Variants in CNTNAP5 observed in about 807,000 individuals in gnomAD.
The protein encoded by CNTNAP5 is contactin-associated protein-like 5.
CNTNAP5 carries 72 observed loss-of-function variants against 150.2 expected under a neutral mutation model. The ratio of observed to expected loss-of-function variants is 0.48; its 90% CI spans 0.40 to 0.58. CNTNAP5 has a LOEUF of 0.58. Ranked by LOEUF, CNTNAP5 falls within the 20% of genes least tolerant of loss-of-function variation. The pLI is 0.00. For missense variants in CNTNAP5, 1,636 were observed against 1,626.2 expected, an observed-to-expected ratio of 1.01 and a Z score of -0.10; for synonymous variants, 672 against 619.8, an observed-to-expected ratio of 1.08 and a Z score of -1.25.
chr2:124,038,732 C>T (rs919304980), intron 1 of CNTNAP5, among the ~76,000 whole-genome samples: 4 of 152,158 alleles, frequency 2.6e-5, no homozygotes, highest in Non-Finnish European at 5.9e-5. Context: ...TCCAGCCTGC[C>T]CTTCTTCTGA....
intron 13 of CNTNAP5, among the ~76,000 whole-genome samples, chr2:124,680,363 C>T (rs982977708): frequency 3.3e-5 from 5 of 151,898 alleles, no homozygotes; most frequent in African/African-American, 7.2e-5. Context: ...GTCTAAGTCA[C>T]CTAAGTGAGT....
At chr2:124,312,199 T>G (rs1383722127) in intron 3 of CNTNAP5, among the ~76,000 whole-genome samples, 1 of 152,220 alleles carries the variant, frequency 6.6e-6, no homozygotes, top group East Asian at 1.9e-4. Flanking sequence ...TTCTTTGTCC[T>G]TCAAGGCATT....
chr2:124,676,539 A>G (rs1042149457), intron 13 of CNTNAP5, among the ~76,000 whole-genome samples: 2 of 152,356 alleles, frequency 1.3e-5, no homozygotes, highest in East Asian at 1.9e-4. Flanking sequence ...GGCTGCTCCC[A>G]TGGACTGATA....
At chr2:124,373,166 G>A (rs1454408016) in intron 3 of CNTNAP5, among the ~76,000 whole-genome samples, 8 of 152,120 alleles carry the variant, frequency 5.3e-5, no homozygotes, top group East Asian at 1.9e-4. Context: ...AGGAACATTC[G>A]ATAAATTTTT....
chr2:124,617,447 G>T (rs1456049270), intron 12 of CNTNAP5, among the ~76,000 whole-genome samples: 1 of 152,062 alleles, frequency 6.6e-6, no homozygotes, highest in Non-Finnish European at 1.5e-5. Context: ...TCCTTCACTT[G>T]CAGCCTCAGC....
In CNTNAP5 at chr2:124,345,222, G is replaced by A. The variant is rs977975474; in HGVS notation, c.382-72221G>A. On this transcript the variant is annotated intron_variant, in intron 3 of 23. Coordinates refer to ENST00000682447, the MANE Select transcript of CNTNAP5 (RefSeq NM_001367498.1). ...TAAGCCATAGAACATTTTGTAGAAC[G>A]TTCCATGGAGTAGTGTTGGAATGCA... Among the ~76,000 whole-genome samples, 7 of 152,272 alleles carry A rather than the reference G, an allele frequency of 4.6e-5. No individual in the cohort carries two copies. The South Asian group carries it at 8.3e-4, about 18-fold the overall frequency.
chr2:124,081,760 A>T (rs1682563002), intron 1 of CNTNAP5, among the ~76,000 whole-genome samples: 1 of 152,196 alleles, frequency 6.6e-6, no homozygotes, highest in Non-Finnish European at 1.5e-5. Flanking sequence ...CCTTATTTTA[A>T]TTGACCTGTT....
chr2:124,828,716 A>G (rs1237742048), intron 19 of CNTNAP5, among the ~76,000 whole-genome samples: 1 of 134,068 alleles, frequency 7.5e-6, no homozygotes, highest in African/African-American at 2.9e-5. Context: ...TATGCCTTGC[A>G]GACCAATGCA....
rs1684683699 is a variant in CNTNAP5, at chr2:124,161,707, C to CA, written c.83-59990dup. Reference sequence around the variant, plus strand: ...CTCTGTGCTCATTGCAAATGCAGATCAAAAAAAAGAAAAGGACAAAAACAA... The same window carrying CA: ...CTCTGTGCTCATTGCAAATGCAGATCAAAAAAAAAGAAAAGGACAAAAACAA... On this transcript the variant is annotated intron_variant, in intron 1 of 23. Transcript: ENST00000682447. Among the ~76,000 whole-genome samples the CA allele has an allele frequency of 3.3e-5, 5 of 151,720 alleles. No individual in the cohort carries two copies. In the South Asian group the frequency reaches 8.3e-4, roughly 25 times the overall value.
chr2:124,378,843 A>G (rs1451840255), intron 3 of CNTNAP5, among the ~76,000 whole-genome samples: 1 of 152,148 alleles, frequency 6.6e-6, no homozygotes, highest in Non-Finnish European at 1.5e-5. Flanking sequence ...CTCTGTTTAC[A>G]TCTTGAGAAA....
chr2:124,405,136 T>G (rs1691537727), intron 3 of CNTNAP5, among the ~76,000 whole-genome samples: 1 of 152,216 alleles, frequency 6.6e-6, no homozygotes, highest in Non-Finnish European at 1.5e-5. Context: ...GGACCTGCAC[T>G]GATTTTGCAG....
intron 7 of CNTNAP5, among the ~76,000 whole-genome samples, chr2:124,491,444 C>A (rs1308867734): frequency 2.0e-5 from 1 of 48,844 alleles, no homozygotes; most frequent in African/African-American, 6.1e-5. Context: ...TATATATACA[C>A]ACACATATGG....
intron 3 of CNTNAP5, among the ~76,000 whole-genome samples, chr2:124,356,659 G>A (rs1483967893): frequency 6.6e-6 from 1 of 152,032 alleles, no homozygotes; most frequent in Non-Finnish European, 1.5e-5. Flanking sequence ...TGGCTGCATA[G>A]TATTCCATGG....
intron 7 of CNTNAP5, among the ~76,000 whole-genome samples, chr2:124,503,343 C>A (rs544038779): frequency 3.3e-4 from 51 of 152,296 alleles, no homozygotes; most frequent in African/African-American, 1.2e-3. Flanking sequence ...CACTACGCTG[C>A]TCTGGAACTG....
intron 5 of CNTNAP5, among the ~76,000 whole-genome samples, 169 bp from the exon 6 acceptor site, chr2:124,446,584 T>G (rs575814434): frequency 6.6e-6 from 1 of 152,326 alleles, no homozygotes; most frequent in East Asian, 1.9e-4. Context: ...CTGGAATCTG[T>G]GGGCCAAGCC....
chr2:124,246,393 C>T (rs1014650419), intron 3 of CNTNAP5, among the ~76,000 whole-genome samples: 1 of 152,132 alleles, frequency 6.6e-6, no homozygotes, highest in East Asian at 1.9e-4. Context: ...GCCAGAGTCC[C>T]TCGCTTCACT....
At chr2:124,583,226 G>A (rs1008718259) in intron 11 of CNTNAP5, among the ~76,000 whole-genome samples, 3 of 152,122 alleles carry the variant, frequency 2.0e-5, no homozygotes, top group Non-Finnish European at 4.4e-5. Flanking sequence ...ATGACCTCTG[G>A]CCCTGCACCA....
intron 1 of CNTNAP5, among the ~76,000 whole-genome samples, chr2:124,186,530 C>T (rs780050141): frequency 2.0e-5 from 3 of 152,182 alleles, no homozygotes; most frequent in African/African-American, 4.8e-5. Context: ...ATAGTATCAA[C>T]GTATCTTTCC....
At chr2:124,626,662 G>A (rs927389030) in intron 12 of CNTNAP5, among the ~76,000 whole-genome samples, 1 of 152,164 alleles carries the variant, frequency 6.6e-6, no homozygotes, top group Admixed American at 6.5e-5. Context: ...AGCTGCAAGA[G>A]TTTTTACATA....
Sources: gnomAD v4.1 joint callset for allele counts (sites outside exome capture counted in the v4.1 genomes callset) on GRCh38, gnomAD v4.1.1 for gene constraint, MANE v1.5 for transcripts, NCBI Gene and HGNC (gene_info 2026-07-23, HGNC 2026-07-21) for gene names.